The following MIPEP variants were observed in gnomAD, a reference collection of about 807,000 sequenced individuals.
MIPEP encodes mitochondrial intermediate peptidase.
In MIPEP, 79 loss-of-function variants were observed where a neutral mutation model predicts 90.3. The observed-to-expected ratio is 0.87, with a 90% CI of 0.73 to 1.05. The LOEUF (loss-of-function observed/expected upper bound fraction) is 1.05, where lower values mean the gene tolerates loss of function less well. MIPEP is among the 50% of genes least tolerant of loss of function. The pLI, the probability that MIPEP is intolerant of heterozygous loss-of-function variation, is 0.00. For missense variants in MIPEP, 940 were observed against 905.6 expected (o/e 1.04, Z -0.49); for synonymous variants, 334 against 315.8 (o/e 1.06, Z -0.61).
chr13:23,781,575 T>A (rs1952782491), intron 16 of MIPEP, among the ~76,000 whole-genome samples: 2 of 152,170 alleles, frequency 1.3e-5, no homozygotes, highest in African/African-American at 4.8e-5. Context: ...GCTAACATCA[T>A]AATGACAGGA....
chr13:23,837,172 C>T (rs60000808), intron 13 of MIPEP, among the ~76,000 whole-genome samples: 3,285 of 152,244 alleles, frequency 0.022, 132 homozygotes, highest in African/African-American at 0.075. Context: ...TTATTTTCTT[C>T]TCTGATTTTG....
intron 14 of MIPEP, among the ~76,000 whole-genome samples, chr13:23,817,268 T>C (rs752248232): frequency 2.0e-4 from 30 of 152,218 alleles, no homozygotes; most frequent in Non-Finnish European, 4.1e-4. Context: ...GGGTGAACTA[T>C]GCTTTTAAGT....
At chr13:23,844,483 G>A (rs1593186506) in intron 10 of MIPEP, among the ~76,000 whole-genome samples, 1 of 152,254 alleles carries the variant, frequency 6.6e-6, no homozygotes, top group African/African-American at 2.4e-5. Flanking sequence ...AAGAAAGGCA[G>A]GCAGCCATAG....
chr13:23,789,568 G>A lies in MIPEP; in HGVS notation c.1848+16382C>T, dbSNP rs568082494. On this transcript the variant is annotated intron_variant, in intron 16 of 18. Transcript: ENST00000382172. The stretch of plus-strand genomic sequence containing the variant: ...ATTACTCCAAAGTTTGGAAAGCTAC[G>A]CAAAGCTTCTTAGCTTCAGCACAAA... Among the ~76,000 whole-genome samples, 5 of 152,300 alleles carry A rather than the reference G, an allele frequency of 3.3e-5. No individual in the cohort carries two copies. In the South Asian group the frequency reaches 6.2e-4, roughly 19 times the overall value.
At chr13:23,776,544 T>C (rs767654754) in intron 16 of MIPEP, among the ~76,000 whole-genome samples, 1 of 152,212 alleles carries the variant, frequency 6.6e-6, no homozygotes, top group South Asian at 2.1e-4. Context: ...GTCTTGTACA[T>C]GTATATATCA....
intron 14 of MIPEP, among the ~76,000 whole-genome samples, chr13:23,833,583 C>G (rs1467871805): frequency 6.6e-6 from 1 of 152,186 alleles, no homozygotes; most frequent in Non-Finnish European, 1.5e-5. Flanking sequence ...AGAATACAGG[C>G]ATTGAGAAGC....
intron 5 of MIPEP, among the ~76,000 whole-genome samples, chr13:23,874,200 G>A (rs1314655461): frequency 6.6e-6 from 1 of 152,174 alleles, no homozygotes; most frequent in African/African-American, 2.4e-5. Flanking sequence ...AACTTCCAAT[G>A]GTGTCAAGTC....
chr13:23,807,315 C>T (rs1820951639), intron 15 of MIPEP, among the ~76,000 whole-genome samples: 1 of 152,150 alleles, frequency 6.6e-6, no homozygotes, highest in South Asian at 2.1e-4. Context: ...TTCATGCAGG[C>T]AAGTAGAAAA....
At chr13:23,762,808 C>A (rs1239089122) in intron 16 of MIPEP, among the ~76,000 whole-genome samples, 1 of 152,162 alleles carries the variant, frequency 6.6e-6, no homozygotes, top group African/African-American at 2.4e-5. Flanking sequence ...CCAAATGCCA[C>A]CCCCAAACAG....
At chr13:23,816,263 T>C (rs1953236136) in intron 14 of MIPEP, among the ~76,000 whole-genome samples, 1 of 152,214 alleles carries the variant, frequency 6.6e-6, no homozygotes, top group South Asian at 2.1e-4. Flanking sequence ...TGCTCTCTTT[T>C]CCTTTCTGGA....
intron 14 of MIPEP, among the ~76,000 whole-genome samples, chr13:23,820,136 C>A (rs748315829): frequency 6.6e-6 from 1 of 152,144 alleles, no homozygotes; most frequent in Non-Finnish European, 1.5e-5. Context: ...GTGAGAAACT[C>A]TTCGAGCACT....
intron 16 of MIPEP, among the ~76,000 whole-genome samples, chr13:23,802,075 T>G (rs1953049173): frequency 6.6e-6 from 1 of 152,250 alleles, no homozygotes; most frequent in African/African-American, 2.4e-5. Context: ...CTACCTGCAG[T>G]GTATAAGAGT....
intron 18 of MIPEP, among the ~76,000 whole-genome samples, chr13:23,736,820 T>C (rs1041580764): frequency 6.6e-6 from 1 of 152,304 alleles, no homozygotes; most frequent in Non-Finnish European, 1.5e-5. Context: ...CTAAGAGCAC[T>C]GATCCATGGT....
chr13:23,795,896 C>A (rs1952953804), intron 16 of MIPEP, among the ~76,000 whole-genome samples: 1 of 151,208 alleles, frequency 6.6e-6, no homozygotes, highest in Admixed American at 6.6e-5. Context: ...CCTGGGAAAC[C>A]GAGACAGGAG....
At chr13:23,798,566 T>C (rs1194677736) in intron 16 of MIPEP, among the ~76,000 whole-genome samples, 2 of 152,186 alleles carry the variant, frequency 1.3e-5, no homozygotes, top group African/African-American at 4.8e-5. Context: ...CCAAATCTCA[T>C]GTCAAATTGT....
chr13:23,760,288 C>T (rs188050867), intron 16 of MIPEP, 71 bp from the exon 17 acceptor site: 1 of 1,599,842 alleles, frequency 6.3e-7, no homozygotes, highest in Admixed American at 1.7e-5. Flanking sequence ...CATGTGAGAA[C>T]ACAGTGGAGA....
chr13:23,834,850 G>A (rs185971335), intron 14 of MIPEP, among the ~76,000 whole-genome samples: 85 of 151,740 alleles, frequency 5.6e-4, no homozygotes, highest in African/African-American at 2.0e-3. Flanking sequence ...ATGCTATCAC[G>A]TGGTAGGGTA....
At chr13:23,813,576 A>G (rs998920795) in intron 14 of MIPEP, among the ~76,000 whole-genome samples, 1 of 152,198 alleles carries the variant, frequency 6.6e-6, no homozygotes, top group Non-Finnish European at 1.5e-5. Context: ...GTATTTATGT[A>G]TATCTATAAA....
At chr13:23,754,326 C>T (rs1952470625) in intron 18 of MIPEP, among the ~76,000 whole-genome samples, 1 of 152,192 alleles carries the variant, frequency 6.6e-6, no homozygotes, top group Non-Finnish European at 1.5e-5. Flanking sequence ...ACCCTCTTTG[C>T]ATGTCCCCCA....
Sources: allele counts gnomAD v4.1 joint callset (sites outside exome capture counted in the v4.1 genomes callset), GRCh38; gene constraint gnomAD v4.1.1; transcripts MANE v1.5; gene names NCBI Gene and HGNC (gene_info 2026-07-23, HGNC 2026-07-21).